Variants in SLC9A9 observed in about 807,000 individuals in gnomAD.
The protein encoded by SLC9A9 is sodium/hydrogen exchanger 9.
SLC9A9 carries 62 observed loss-of-function variants against 77.8 expected under a neutral mutation model. The observed-to-expected ratio is 0.80, with a 90% CI of 0.65 to 0.98. SLC9A9 has a LOEUF of 0.98. SLC9A9 is among the 50% of genes least tolerant of loss of function. The pLI is 0.00. For missense variants in SLC9A9, 775 were observed against 774.9 expected, an observed-to-expected ratio of 1.00 and a Z score of 0.00; for synonymous variants, 320 against 283.5, an observed-to-expected ratio of 1.13 and a Z score of -1.29.
At chr3:143,296,822 C>T (rs1407793306) in intron 14 of SLC9A9, among the ~76,000 whole-genome samples, 5 of 152,140 alleles carry the variant, frequency 3.3e-5, no homozygotes, top group African/African-American at 1.2e-4. Context: ...TGTTGGTCAT[C>T]TGTACGTCTT....
intron 9 of SLC9A9, chr3:143,518,243 T>A: frequency 1.9e-6 from 3 of 1,585,450 alleles, no homozygotes; most frequent in Non-Finnish European, 1.7e-6. Context: ...AGGGAGGTGG[T>A]GGGCGAAGCT....
At chr3:143,466,866 G>A (rs1423168571) in intron 12 of SLC9A9, among the ~76,000 whole-genome samples, 171 bp downstream of exon 12, 2 of 152,216 alleles carry the variant, frequency 1.3e-5, no homozygotes, top group African/African-American at 2.4e-5. Flanking sequence ...AAAAGTCAGT[G>A]TGGTTGGTAC....
intron 6 of SLC9A9, among the ~76,000 whole-genome samples, chr3:143,596,755 T>A (rs761197151): frequency 2.4e-4 from 37 of 152,298 alleles, no homozygotes; most frequent in South Asian, 8.3e-4. Context: ...CTCGACCTCC[T>A]GGGCTCAAGT....
chr3:143,449,962 A>C (rs1203987616), intron 12 of SLC9A9, among the ~76,000 whole-genome samples: 1 of 84,300 alleles, frequency 1.2e-5, no homozygotes, highest in East Asian at 3.5e-4. Flanking sequence ...ACATTATATA[A>C]TATATATAAT....
intron 12 of SLC9A9, among the ~76,000 whole-genome samples, chr3:143,461,830 A>G (rs1022685750): frequency 6.6e-6 from 1 of 152,220 alleles, no homozygotes; most frequent in Non-Finnish European, 1.5e-5. Flanking sequence ...CCTCCATTGT[A>G]TTAAATTAAC....
intron 12 of SLC9A9, among the ~76,000 whole-genome samples, chr3:143,391,388 G>A (rs2033561792): frequency 6.6e-6 from 1 of 152,214 alleles, no homozygotes; most frequent in East Asian, 1.9e-4. Flanking sequence ...GCAGCTGAGG[G>A]TCCTGACTGT....
chr3:143,476,380 A>G (rs369838789), intron 11 of SLC9A9, among the ~76,000 whole-genome samples: 51 of 152,362 alleles, frequency 3.3e-4, no homozygotes, highest in African/African-American at 1.2e-3. Context: ...AAGAAATGTG[A>G]TATAACTTCT....
At chr3:143,691,601 T>C (rs1303401118) in intron 5 of SLC9A9, among the ~76,000 whole-genome samples, 1 of 152,100 alleles carries the variant, frequency 6.6e-6, no homozygotes, top group African/African-American at 2.4e-5. Context: ...CATCCCCCTA[T>C]CCTGGCTATT....
At chr3:143,385,496 A>G (rs2108500998) in intron 12 of SLC9A9, among the ~76,000 whole-genome samples, 1 of 152,310 alleles carries the variant, frequency 6.6e-6, no homozygotes, top group East Asian at 1.9e-4. Context: ...CAAACATGCC[A>G]ACTACATCTG....
At chr3:143,449,830 A>C (rs1559921661) in intron 12 of SLC9A9, among the ~76,000 whole-genome samples, 1 of 25,892 alleles carries the variant, frequency 3.9e-5, no homozygotes, top group Admixed American at 9.2e-4. Context: ...TTACATATAT[A>C]ATTATATGTA....
At chr3:143,390,067 C>A (rs976056502) in intron 12 of SLC9A9, among the ~76,000 whole-genome samples, 1 of 152,206 alleles carries the variant, frequency 6.6e-6, no homozygotes, top group Admixed American at 6.5e-5. Flanking sequence ...TTTTCTACCC[C>A]TGGGACTTGT....
chr3:143,435,188 G>T (rs886934176), intron 12 of SLC9A9, among the ~76,000 whole-genome samples: 1 of 151,706 alleles, frequency 6.6e-6, no homozygotes, highest in Admixed American at 6.6e-5. Context: ...TTGTATTTTC[G>T]TATGCCTTTT....
At chr3:143,270,813 C>T (rs537445290) in intron 14 of SLC9A9, among the ~76,000 whole-genome samples, 71 of 152,248 alleles carry the variant, frequency 4.7e-4, no homozygotes, top group Non-Finnish European at 8.5e-4. Context: ...GTGTAATGAA[C>T]ACCCTTAAAA....
intron 4 of SLC9A9, among the ~76,000 whole-genome samples, chr3:143,697,066 T>C (rs946081410): frequency 6.6e-6 from 1 of 151,810 alleles, no homozygotes; most frequent in Non-Finnish European, 1.5e-5. Context: ...ATCTTCTACA[T>C]GTCAAATGAA....
At chr3:143,597,538 A>G (rs957646453) in intron 6 of SLC9A9, among the ~76,000 whole-genome samples, 5 of 152,210 alleles carry the variant, frequency 3.3e-5, no homozygotes, top group Admixed American at 6.5e-5. Flanking sequence ...AAAGCTGCTC[A>G]GGAGAGAGGT....
chr3:143,674,325 C>T (rs2039204863), intron 5 of SLC9A9, among the ~76,000 whole-genome samples: 1 of 152,096 alleles, frequency 6.6e-6, no homozygotes, highest in African/African-American at 2.4e-5. Context: ...ACCACCAATC[C>T]CAACCTCATT....
At chr3:143,317,975 C>T (rs1183196568) in intron 14 of SLC9A9, among the ~76,000 whole-genome samples, 1 of 152,162 alleles carries the variant, frequency 6.6e-6, no homozygotes, top group Non-Finnish European at 1.5e-5. Flanking sequence ...GATCTGCCCA[C>T]CTTGGCCTCC....
intron 6 of SLC9A9, among the ~76,000 whole-genome samples, chr3:143,634,147 C>CTTTTTTTTTTTTTTTTTTTTTT (rs1033629087): frequency 1.3e-5 from 2 of 149,218 alleles, no homozygotes; most frequent in African/African-American, 5.2e-5. Flanking sequence ...ATAATCCTTT[C>CTTTTTTTTTTTTTTTTTTTTTT]TTTAAGCTTG....
At chr3:143,346,485 T>C (rs2108469311) in intron 14 of SLC9A9, among the ~76,000 whole-genome samples, 1 of 152,268 alleles carries the variant, frequency 6.6e-6, no homozygotes, top group South Asian at 2.1e-4. Flanking sequence ...TTAATATTAT[T>C]TTTATGAAAC....
Sources: allele counts gnomAD v4.1 joint callset (sites outside exome capture counted in the v4.1 genomes callset), GRCh38; gene constraint gnomAD v4.1.1; transcripts MANE v1.5; gene names NCBI Gene and HGNC (gene_info 2026-07-23, HGNC 2026-07-21).